PDCD1LG2: variants seen among roughly 807,000 people sequenced by gnomAD.
PDCD1LG2 encodes the protein programmed cell death 1 ligand 2.
A neutral mutation model predicts 28.2 loss-of-function variants in PDCD1LG2; 32 were observed. The ratio of observed to expected loss-of-function variants is 1.13; its 90% CI spans 0.86 to 1.52. The LOEUF (loss-of-function observed/expected upper bound fraction) is 1.52. Ranked by LOEUF, PDCD1LG2 falls within the 40% of genes most tolerant of loss-of-function variation. The pLI is 0.00. For missense variants in PDCD1LG2, 385 were observed against 323.8 expected, an observed-to-expected ratio of 1.19 and a Z score of -1.45; for synonymous variants, 116 against 120.2, an observed-to-expected ratio of 0.97 and a Z score of 0.23.
Position 5,522,575 on chromosome 9 carries a change from TG to T in PDCD1LG2, c.31del (p.Glu11AsnfsTer7), listed in dbSNP as rs567501802. The T allele has an allele frequency of 1.5e-3, 2,497 of 1,613,646 alleles. 14 individuals carry two copies. The highest frequency in any genetic ancestry group is 0.012 in the Middle Eastern group (73 of 6,056). MIFLLLMLS[L>X]ELQLHQIAAL... ...ATCTTCCTCCTGCTAATGTTGAGCC[TG>T]GAATTGCAGCTTCACCAGATAGCAG... is the stretch of plus-strand genomic sequence containing the variant. On this transcript the variant is annotated frameshift_variant, in exon 2 of 7. Transcript: ENST00000397747. LOFTEE classifies it high-confidence loss of function.
chr9:5,514,140 C>A (rs1820111723), intron 1 of PDCD1LG2, among the ~76,000 whole-genome samples: 1 of 152,190 alleles, frequency 6.6e-6, no homozygotes, highest in African/African-American at 2.4e-5. Flanking sequence ...GAATGATTTG[C>A]TAGGATTCTT....
chr9:5,549,756 A>G, intron 4 of PDCD1LG2, 152 bp downstream of exon 4: 5 of 979,614 alleles, frequency 5.1e-6, no homozygotes, highest in Non-Finnish European at 7.3e-6. Context: ...AGTGCAGAAC[A>G]CTGGGGCTTC....
At chr9:5,527,400 A>T (rs184424779) in intron 2 of PDCD1LG2, among the ~76,000 whole-genome samples, 10 of 152,322 alleles carry the variant, frequency 6.6e-5, no homozygotes, top group Admixed American at 5.9e-4. Flanking sequence ...TATAAATGGG[A>T]TCATTCATTA....
intron 1 of PDCD1LG2, among the ~76,000 whole-genome samples, chr9:5,518,216 TTTAGAG>T (rs1305802959): frequency 6.6e-6 from 1 of 152,240 alleles, no homozygotes; most frequent in Non-Finnish European, 1.5e-5. Context: ...TGTGTCTGAT[TTTAGAG>T]CCTGAGCTCT....
intron 2 of PDCD1LG2, among the ~76,000 whole-genome samples, chr9:5,524,646 C>CA (rs1006505928): frequency 2.0e-5 from 3 of 151,594 alleles, no homozygotes; most frequent in South Asian, 2.1e-4. Flanking sequence ...AAGAAAACAA[C>CA]AAAAAAACTA....
At chr9:5,557,538 T>A (rs927406312) in intron 4 of PDCD1LG2, 80 bp from the exon 5 acceptor site, 15 of 1,507,670 alleles carry the variant, frequency 9.9e-6, no homozygotes, top group African/African-American at 1.4e-5. Context: ...GTGTTGGCTG[T>A]CACCCACTCA....
At chr9:5,559,750 T>A (rs1816521544) in intron 5 of PDCD1LG2, among the ~76,000 whole-genome samples, 1 of 152,318 alleles carries the variant, frequency 6.6e-6, no homozygotes, top group Admixed American at 6.5e-5. Flanking sequence ...AAATCATAAA[T>A]CTACCATGTG....
At chr9:5,565,141 C>T (rs1316698902) in intron 6 of PDCD1LG2, among the ~76,000 whole-genome samples, 2 of 152,078 alleles carry the variant, frequency 1.3e-5, no homozygotes, top group Non-Finnish European at 2.9e-5. Flanking sequence ...TGTCCAAGTC[C>T]AGAATCCACA....
intron 2 of PDCD1LG2, among the ~76,000 whole-genome samples, chr9:5,527,147 A>G (rs555523134): frequency 1.9e-3 from 296 of 152,378 alleles, no homozygotes; most frequent in Non-Finnish European, 3.1e-3. Flanking sequence ...GGATATATAC[A>G]TGGATGTACT....
intron 3 of PDCD1LG2, among the ~76,000 whole-genome samples, chr9:5,537,197 C>T (rs1433784019): frequency 6.6e-6 from 1 of 152,200 alleles, no homozygotes; most frequent in Non-Finnish European, 1.5e-5. Flanking sequence ...AACGAAACTG[C>T]TTCCATTCCC....
intron 3 of PDCD1LG2, among the ~76,000 whole-genome samples, chr9:5,543,642 A>G (rs766620972): frequency 2.9e-4 from 44 of 152,160 alleles, no homozygotes; most frequent in African/African-American, 3.9e-4. Flanking sequence ...TGAAAAGACA[A>G]CTGTACGTTT....
At position 5,569,105 on chromosome 9, in the gene PDCD1LG2, G is replaced by T. The variant is rs1464202098; in HGVS notation, c.817-849G>T. On this transcript the variant is annotated intron_variant, in intron 6 of 6. Coordinates refer to ENST00000397747, the MANE Select transcript of PDCD1LG2 (RefSeq NM_025239.4). This position sits in a 1 kb window ranked among gnomAD's most constrained non-coding sequence, Gnocchi z 4.1. Reference sequence around the variant, plus strand: ...GAGATAAGGGGGAAAGACTGTTAGGGCATGTATTGTAAACCACTAATTCCA... The same window carrying T: ...GAGATAAGGGGGAAAGACTGTTAGGTCATGTATTGTAAACCACTAATTCCA... Among the ~76,000 whole-genome samples the T allele has an allele frequency of 6.6e-6, 1 of 152,184 alleles. No individual in the cohort carries two copies.
At chr9:5,554,241 G>A (rs1390078006) in intron 4 of PDCD1LG2, among the ~76,000 whole-genome samples, 2 of 152,202 alleles carry the variant, frequency 1.3e-5, no homozygotes, top group African/African-American at 4.8e-5. Context: ...CAAATGTTGG[G>A]TTGATTGGGT....
chr9:5,516,716 G>A (rs553350520), intron 1 of PDCD1LG2, among the ~76,000 whole-genome samples: 309 of 152,342 alleles, frequency 2.0e-3, no homozygotes, highest in Non-Finnish European at 3.3e-3. Context: ...GGCAGCAGGG[G>A]GCTAGTGTGT....
rs527592271 is a variant in PDCD1LG2 at position 5,543,241 on chromosome 9, A to G, written c.362-6094A>G. On this transcript the variant is annotated intron_variant, in intron 3 of 6. Coordinates refer to ENST00000397747, the MANE Select transcript of PDCD1LG2 (RefSeq NM_025239.4). The stretch of plus-strand genomic sequence containing the variant: ...GAAAGGATGGTTGGGGGTGAGAGAT[A>G]AAAAACTCCACATTTGGGCCAGGCG... 1.3e-3 allele frequency among the ~76,000 whole-genome samples: 195 copies of G among 152,166 alleles called. 2 individuals are homozygous for G. Among genetic ancestry groups the G allele is most frequent in the African/African-American group, 4.6e-3 (189 of 41,534 alleles).
At chr9:5,559,479 G>A (rs950823721) in intron 5 of PDCD1LG2, among the ~76,000 whole-genome samples, 3 of 152,106 alleles carry the variant, frequency 2.0e-5, no homozygotes, top group African/African-American at 7.2e-5. Context: ...AGGGTCAGAG[G>A]GCTAGGCTGG....
At chr9:5,511,993 G>C (rs901161839) in intron 1 of PDCD1LG2, among the ~76,000 whole-genome samples, 2 of 152,170 alleles carry the variant, frequency 1.3e-5, no homozygotes, top group Admixed American at 1.3e-4. Context: ...GAAATGTCAG[G>C]AGAATCACCA....
chr9:5,555,244 C>T (rs549690444), intron 4 of PDCD1LG2, among the ~76,000 whole-genome samples: 5 of 151,898 alleles, frequency 3.3e-5, no homozygotes, highest in South Asian at 2.1e-4. Context: ...GGTGAAACCC[C>T]GTCTCTACTA....
At chr9:5,555,748 A>C (rs1161773650) in intron 4 of PDCD1LG2, among the ~76,000 whole-genome samples, 1 of 152,232 alleles carries the variant, frequency 6.6e-6, no homozygotes, top group African/African-American at 2.4e-5. Flanking sequence ...AAAGTAAACG[A>C]GTGGTGGAAA....
Sources: allele counts gnomAD v4.1 joint callset (sites outside exome capture counted in the v4.1 genomes callset), GRCh38; gene constraint gnomAD v4.1.1; non-coding constraint Gnocchi (gnomAD v3.1); transcripts MANE v1.5; gene names NCBI Gene and HGNC (gene_info 2026-07-23, HGNC 2026-07-21).